DCDC2: variants seen among roughly 807,000 people sequenced by gnomAD.
DCDC2 encodes doublecortin domain containing 2.
A neutral mutation model predicts 50.2 loss-of-function variants in DCDC2; 40 were observed. The observed-to-expected ratio is 0.80, with a 90% confidence interval of 0.62 to 1.04. DCDC2 has a LOEUF of 1.04. DCDC2 is among the 50% of genes least tolerant of loss of function. The pLI is 0.00. For synonymous variants in DCDC2, 234 were observed against 210.6 expected, an observed-to-expected ratio of 1.11 and a Z score of -0.96; for missense variants, 570 against 581.9, an observed-to-expected ratio of 0.98 and a Z score of 0.21.
chr6:24,297,941 A>G (rs1447262403), intron 4 of DCDC2, among the ~76,000 whole-genome samples: 1 of 152,244 alleles, frequency 6.6e-6, no homozygotes, highest in Non-Finnish European at 1.5e-5. Flanking sequence ...TGTAAAGAAA[A>G]TGCAAACTGG....
intron 7 of DCDC2, among the ~76,000 whole-genome samples, chr6:24,235,709 A>G (rs1450708321): frequency 6.6e-6 from 1 of 152,166 alleles, no homozygotes; most frequent in East Asian, 1.9e-4. Flanking sequence ...GAACAGACAA[A>G]AGCTGGAAGC....
Position 24,335,399 on chromosome 6 carries a change from G to A in DCDC2, c.348+18170C>T, listed in dbSNP as rs1760040107. 2.0e-5 allele frequency among the ~76,000 whole-genome samples: 3 copies of A among 152,182 alleles called. No homozygotes were observed. The South Asian group carries it at 6.2e-4, about 32-fold the overall frequency. Reference sequence around the variant, plus strand: ...TAATTTTGGCAGAAACAAAAGATATGTGGTTATTCGACCATCAAAGGATGT... The same window carrying A: ...TAATTTTGGCAGAAACAAAAGATATATGGTTATTCGACCATCAAAGGATGT... On this transcript the variant is annotated intron_variant, in intron 2 of 9. Transcript: ENST00000378454.
chr6:24,327,793 G>A (rs1048662390), intron 2 of DCDC2, among the ~76,000 whole-genome samples: 13 of 152,038 alleles, frequency 8.6e-5, no homozygotes, highest in Admixed American at 3.3e-4. Flanking sequence ...AACTTATAAT[G>A]AATTTATGGA....
At chr6:24,216,033 G>C (rs976674202) in intron 7 of DCDC2, among the ~76,000 whole-genome samples, 5 of 152,152 alleles carry the variant, frequency 3.3e-5, no homozygotes, top group African/African-American at 1.2e-4. Flanking sequence ...GATGGGGGTG[G>C]TTAGAAAGGA....
the DCDC2 span, among the ~76,000 whole-genome samples, chr6:24,372,677 A>G: frequency 6.6e-6 from 1 of 152,212 alleles, no homozygotes; most frequent in East Asian, 1.9e-4. Context: ...CAAAAAACCA[A>G]ACACCGCATG....
At chr6:24,368,209 G>A in the DCDC2 span, among the ~76,000 whole-genome samples, 3 of 151,980 alleles carry the variant, frequency 2.0e-5, no homozygotes, top group Non-Finnish European at 4.4e-5. Flanking sequence ...TGAAAGAAGG[G>A]TTAGGAGCTA....
intron 2 of DCDC2, among the ~76,000 whole-genome samples, chr6:24,346,170 A>C (rs1260165622): frequency 6.9e-6 from 1 of 145,848 alleles, no homozygotes; most frequent in Non-Finnish European, 1.5e-5. Context: ...AAAAAAAAAA[A>C]TGTATTTACT....
intron 8 of DCDC2, among the ~76,000 whole-genome samples, chr6:24,182,629 G>GGAAAAAAAA (rs531833197): frequency 4.7e-5 from 5 of 105,942 alleles, no homozygotes; most frequent in African/African-American, 1.8e-4. Context: ...ATGATGACAA[G>GGAAAAAAAA]AAAAAAAAAA....
At position 24,246,574 on chromosome 6, in the gene DCDC2, C is replaced by T. The variant is rs13203078; in HGVS notation, c.922+31475G>A. 2.9e-4 allele frequency among the ~76,000 whole-genome samples: 40 copies of T among 139,346 alleles called. No individual in the cohort carries two copies. The South Asian group carries it at 8.5e-3, about 30-fold the overall frequency. The allele number at this position is 139,346 out of a possible 152,430, so 91.4% of individuals were successfully genotyped here. A position where few individuals can be genotyped will look rare whatever the true frequency, so the allele number is the denominator to read the frequency against. On this transcript the variant is annotated intron_variant, in intron 7 of 9. Transcript: ENST00000378454. ...TGATCTCAGCTCACTACAACCACTG[C>T]CTCCCAGGTTCAAGCGATTCTCCTG...
chr6:24,330,700 A>G (rs963463652), intron 2 of DCDC2, among the ~76,000 whole-genome samples: 6 of 152,196 alleles, frequency 3.9e-5, no homozygotes, highest in African/African-American at 1.4e-4. Context: ...CTTAGAAAGG[A>G]AAGAGTGGGC....
At chr6:24,379,740 C>T in the DCDC2 span, among the ~76,000 whole-genome samples, 7 of 152,056 alleles carry the variant, frequency 4.6e-5, no homozygotes, top group African/African-American at 9.7e-5. Flanking sequence ...CACATGTACA[C>T]GAATGTTTAT....
rs576226261 is a variant in DCDC2, at chr6:24,202,938, G to A, written c.1023+2064C>T. Among the ~76,000 whole-genome samples, 3 of 152,218 alleles carry A rather than the reference G, an allele frequency of 2.0e-5. No homozygotes were observed. The South Asian group carries it at 6.2e-4, about 32-fold the overall frequency. On this transcript the variant is annotated intron_variant, in intron 8 of 9. Transcript: ENST00000378454. Reference sequence around the variant, plus strand: ...GAATACAACTTACAAGAGATGTGAAGGCCCTCTTCAAGGGGAAGGACAAAC... The same window carrying A: ...GAATACAACTTACAAGAGATGTGAAAGCCCTCTTCAAGGGGAAGGACAAAC...
At chr6:24,246,908 T>C (rs1762689808) in intron 7 of DCDC2, among the ~76,000 whole-genome samples, 1 of 152,186 alleles carries the variant, frequency 6.6e-6, no homozygotes, top group African/African-American at 2.4e-5. Flanking sequence ...GAAGCATATA[T>C]AACTAAGTAA....
intron 7 of DCDC2, among the ~76,000 whole-genome samples, chr6:24,273,941 T>G (rs138268049): frequency 1.8e-3 from 279 of 152,292 alleles, no homozygotes; most frequent in African/African-American, 6.5e-3. Flanking sequence ...ACAAGTTTCA[T>G]GGAAACTATC....
rs1762185979 is a variant in DCDC2, at chr6:24,224,480, C to T, written c.923-19378G>A. 3.3e-5 allele frequency among the ~76,000 whole-genome samples: 5 copies of T among 152,200 alleles called. No individual in the cohort carries two copies. In the South Asian group the frequency reaches 1.0e-3, roughly 31 times the overall value. ...GCTTACTAATATGATCTGCTCAGTG[C>T]TCTTTAACTGAAGCACTTGGTGAGC... On this transcript the variant is annotated intron_variant, in intron 7 of 9. Transcript: ENST00000378454.
chr6:24,229,128 C>T (rs1453435119), intron 7 of DCDC2, among the ~76,000 whole-genome samples: 2 of 152,210 alleles, frequency 1.3e-5, no homozygotes, highest in Non-Finnish European at 2.9e-5. Context: ...GAAAACAACA[C>T]ACATTTATTG....
intron 2 of DCDC2, among the ~76,000 whole-genome samples, chr6:24,330,049 A>T (rs1306506970): frequency 6.6e-6 from 1 of 152,190 alleles, no homozygotes; most frequent in African/African-American, 2.4e-5. Context: ...GTCTTCAGTG[A>T]ACCCATTATC....
intron 2 of DCDC2, among the ~76,000 whole-genome samples, chr6:24,325,145 C>T (rs1366308443): frequency 2.3e-5 from 3 of 130,710 alleles, no homozygotes; most frequent in Admixed American, 7.6e-5. Context: ...CTCCAGAGCC[C>T]CGTGGTCAAA....
intron 7 of DCDC2, among the ~76,000 whole-genome samples, chr6:24,235,354 A>T (rs1241545636): frequency 6.6e-6 from 1 of 152,178 alleles, no homozygotes; most frequent in Admixed American, 6.5e-5. Context: ...ACTTTGCATA[A>T]AATTTCCTTC....
Sources: gnomAD v4.1 joint callset for allele counts (sites outside exome capture counted in the v4.1 genomes callset) on GRCh38, gnomAD v4.1.1 for gene constraint, MANE v1.5 for transcripts, NCBI Gene and HGNC (gene_info 2026-07-23, HGNC 2026-07-21) for gene names.